Variants in LHFPL3 observed in about 807,000 individuals in gnomAD.
LHFPL3 encodes the protein LHFPL tetraspan subfamily member 3.
Under a neutral mutation model 19.3 loss-of-function variants are expected in LHFPL3, and 5 were observed. The ratio of observed to expected loss-of-function variants is 0.26; its 90% CI spans 0.14 to 0.54. The LOEUF is 0.54. LHFPL3 is among the 20% of genes least tolerant of loss of function. The pLI is 0.94. For missense variants in LHFPL3, 249 were observed against 307.4 expected (o/e 0.81, Z 1.42); for synonymous variants, 133 against 126.2 (o/e 1.05, Z -0.36).
At chr7:104,398,241 C>T (rs1409673067) in intron 1 of LHFPL3, among the ~76,000 whole-genome samples, 1 of 152,168 alleles carries the variant, frequency 6.6e-6, no homozygotes, top group African/African-American at 2.4e-5. Flanking sequence ...CACTTGTTCA[C>T]ACTTAGATCC....
chr7:104,603,064 CTTTT>C (rs746688179), intron 1 of LHFPL3, among the ~76,000 whole-genome samples: 2 of 127,136 alleles, frequency 1.6e-5, no homozygotes, highest in East Asian at 2.3e-4. Flanking sequence ...TTCTTTCTTT[CTTTT>C]TCTTTCTTTC....
rs1447985118 is a variant in LHFPL3 at position 104,906,287 on chromosome 7, C to T, written c.*72C>T. The T allele has an allele frequency of 7.4e-6, 11 of 1,494,542 alleles. No homozygotes were observed. The highest frequency in any genetic ancestry group is 1.0e-5 in the Non-Finnish European group (11 of 1,089,492). The allele number at this position is 1,494,542 out of a possible 1,614,324, so 92.6% of individuals were successfully genotyped here. ...AACGAATCGAATAACAGCTTTTGTA[C>T]ATCAACATCAAGAAGGAATACGCCT... On this transcript the variant is annotated 3_prime_UTR_variant, in exon 3 of 3. Transcript: ENST00000424859.
chr7:104,580,605 A>G (rs1216492220), intron 1 of LHFPL3, among the ~76,000 whole-genome samples: 3 of 152,136 alleles, frequency 2.0e-5, no homozygotes, highest in Admixed American at 6.6e-5. Flanking sequence ...ATATTATTCA[A>G]TGAATTTTGA....
chr7:104,724,670 C>T (rs1793558488), intron 1 of LHFPL3, among the ~76,000 whole-genome samples: 1 of 152,100 alleles, frequency 6.6e-6, no homozygotes, highest in Non-Finnish European at 1.5e-5. Flanking sequence ...AGGCTTAATA[C>T]CTGGGTTATG....
chr7:104,594,029 G>A (rs573301319), intron 1 of LHFPL3, among the ~76,000 whole-genome samples: 19 of 152,168 alleles, frequency 1.2e-4, no homozygotes, highest in East Asian at 9.7e-4. Flanking sequence ...GCATTTAGCC[G>A]ATTTACATTC....
intron 1 of LHFPL3, among the ~76,000 whole-genome samples, chr7:104,681,622 A>AG (rs1792706165): frequency 1.8e-5 from 1 of 56,002 alleles, no homozygotes; most frequent in African/African-American, 7.3e-5. Flanking sequence ...ACTAAGGCTC[A>AG]AAAAAAAAAG....
chr7:104,774,106 A>C (rs1173573034), intron 2 of LHFPL3, among the ~76,000 whole-genome samples: 1 of 152,212 alleles, frequency 6.6e-6, no homozygotes, highest in African/African-American at 2.4e-5. Flanking sequence ...CTCAATGTTC[A>C]TTCCTCAGCT....
chr7:104,571,218 G>A (rs911772098), intron 1 of LHFPL3, among the ~76,000 whole-genome samples: 1 of 152,020 alleles, frequency 6.6e-6, no homozygotes, highest in African/African-American at 2.4e-5. Flanking sequence ...ATGATGCCCT[G>A]AAGTATCTAC....
chr7:104,859,595 G>T (rs1040970790), intron 2 of LHFPL3, among the ~76,000 whole-genome samples: 3 of 152,078 alleles, frequency 2.0e-5, no homozygotes, highest in Non-Finnish European at 4.4e-5. Context: ...CTTGAACCCG[G>T]AAGGCGGAGG....
chr7:104,455,453 G>C (rs1186327884), intron 1 of LHFPL3, among the ~76,000 whole-genome samples: 1 of 152,174 alleles, frequency 6.6e-6, no homozygotes, highest in Non-Finnish European at 1.5e-5. Context: ...AGGCGTGGCA[G>C]CTCACACCTG....
intron 2 of LHFPL3, among the ~76,000 whole-genome samples, chr7:104,814,748 G>A (rs1790532637): frequency 6.6e-6 from 1 of 152,238 alleles, no homozygotes; most frequent in South Asian, 2.1e-4. Context: ...TTCCAGAGGG[G>A]GCAGATGCAG....
At chr7:104,397,290 G>C (rs1410961453) in intron 1 of LHFPL3, among the ~76,000 whole-genome samples, 1 of 152,008 alleles carries the variant, frequency 6.6e-6, no homozygotes, top group African/African-American at 2.4e-5. Context: ...CACTCTGTTA[G>C]CCCCAAAAGT....
At chr7:104,773,809 G>C (rs907756740) in intron 2 of LHFPL3, among the ~76,000 whole-genome samples, 1 of 152,152 alleles carries the variant, frequency 6.6e-6, no homozygotes, top group Non-Finnish European at 1.5e-5. Flanking sequence ...CCACCAGAAG[G>C]TAGGGGAGAG....
At chr7:104,416,689 A>G (rs1159205345) in intron 1 of LHFPL3, among the ~76,000 whole-genome samples, 1 of 152,248 alleles carries the variant, frequency 6.6e-6, no homozygotes, top group Non-Finnish European at 1.5e-5. Context: ...AGAATGACAT[A>G]TGTTCAACAC....
chr7:104,484,842 G>GAAT (rs1793207777), intron 1 of LHFPL3, among the ~76,000 whole-genome samples: 1 of 152,078 alleles, frequency 6.6e-6, no homozygotes, highest in Non-Finnish European at 1.5e-5. Flanking sequence ...CTCCTGCAAT[G>GAAT]AATAACCCAC....
At chr7:104,653,626 G>A (rs2115950600) in intron 1 of LHFPL3, among the ~76,000 whole-genome samples, 1 of 152,306 alleles carries the variant, frequency 6.6e-6, no homozygotes, top group South Asian at 2.1e-4. Flanking sequence ...CAGGTGGATT[G>A]AGCAGCTACC....
rs374979688 is a variant in LHFPL3, at chr7:104,906,171, C to T, written c.683-16C>T. 175 of 1,608,478 alleles carry T rather than the reference C, an allele frequency of 1.1e-4. 1 individual carries two copies. In the African/African-American group the frequency reaches 2.2e-3, roughly 20 times the overall value. ...CCCCCCACCCTTTTTCTCTCTCTTC[C>T]CTCCAATTTCTGCAGTTCTGCTAAG... is the stretch of plus-strand genomic sequence containing the variant. On this transcript the variant is annotated splice_polypyrimidine_tract_variant and intron_variant, in intron 2 of 2. Coordinates refer to ENST00000424859, the MANE Select transcript of LHFPL3 (RefSeq NM_199000.3).
chr7:104,583,034 G>A (rs953730067), intron 1 of LHFPL3, among the ~76,000 whole-genome samples: 5 of 151,862 alleles, frequency 3.3e-5, no homozygotes, highest in Admixed American at 1.3e-4. Context: ...CAGTCAAGCA[G>A]CCAAATAGAA....
At chr7:104,824,148 C>CAA in intron 2 of LHFPL3, among the ~76,000 whole-genome samples, 1 of 8,674 alleles carries the variant, frequency 1.2e-4, no homozygotes, top group African/African-American at 4.0e-4. Context: ...TTCTCTGTTT[C>CAA]AAAAAAAATA....
Sources: allele counts gnomAD v4.1 joint callset (sites outside exome capture counted in the v4.1 genomes callset), GRCh38; gene constraint gnomAD v4.1.1; transcripts MANE v1.5; gene names NCBI Gene and HGNC (gene_info 2026-07-23, HGNC 2026-07-21).